The following KCTD1 variants were observed in gnomAD, a reference collection of about 807,000 sequenced individuals.
The protein encoded by KCTD1 is BTB/POZ domain-containing protein KCTD1.
KCTD1 carries 24 observed loss-of-function variants against 66.0 expected under a neutral mutation model. That is an observed-to-expected ratio of 0.36 (90% CI 0.26 to 0.51). The LOEUF is 0.51. KCTD1 is among the 20% of genes least tolerant of loss of function. KCTD1 has a pLI of 0.95. For missense variants in KCTD1, 943 were observed against 1,205.2 expected (o/e 0.78, Z 3.22); for synonymous variants, 511 against 517.2 (o/e 0.99, Z 0.16).
rs1479003649 is a variant in KCTD1, at chr18:26,502,072, T to C, written c.1810-822A>G. On this transcript the variant is annotated intron_variant, in intron 1 of 4. Transcript: ENST00000580059. ...GTACCTTTTTTTTCTTTTTTTGAGA[T>C]GGAGTCTCGCTCTGTCGCCCAGGCT... is the stretch of plus-strand genomic sequence containing the variant. Among the ~76,000 whole-genome samples the C allele has an allele frequency of 2.6e-5, 4 of 152,166 alleles. No homozygotes were observed. In the East Asian group the frequency reaches 7.7e-4, roughly 29 times the overall value.
rs147400929 is a variant in KCTD1, at chr18:26,491,221, A to C, written c.1988+9851T>G. On this transcript the variant is annotated intron_variant, in intron 2 of 4. Coordinates refer to ENST00000580059, the MANE Select transcript of KCTD1 (RefSeq NM_001142730.3). Reference sequence around the variant, plus strand: ...TTTGGGGTCTACTGTTCCAGCAGCAACAAGAAAGGAGGGCACAGCAGGAGG... The same window carrying C: ...TTTGGGGTCTACTGTTCCAGCAGCACCAAGAAAGGAGGGCACAGCAGGAGG... 9.2e-4 allele frequency among the ~76,000 whole-genome samples: 140 copies of C among 152,218 alleles called. 5 individuals carry two copies. In the East Asian group the frequency reaches 0.012, roughly 13 times the overall value.
chr18:26,489,365 G>A (rs556605392), intron 2 of KCTD1, among the ~76,000 whole-genome samples: 73 of 152,314 alleles, frequency 4.8e-4, no homozygotes, highest in African/African-American at 1.7e-3. Context: ...TTTCAGTTAT[G>A]TGGCAGTGGA....
chr18:26,494,408 A>G (rs951889358), intron 2 of KCTD1, among the ~76,000 whole-genome samples: 3 of 152,096 alleles, frequency 2.0e-5, no homozygotes, highest in Non-Finnish European at 4.4e-5. Context: ...AAACAAACAC[A>G]ATAGAGGAAA....
intron 1 of KCTD1, among the ~76,000 whole-genome samples, chr18:26,554,641 A>G (rs957043058): frequency 6.6e-6 from 1 of 152,234 alleles, no homozygotes; most frequent in African/African-American, 2.4e-5. Context: ...ATGCTTTGTC[A>G]AAAAACAGGC....
upstream of KCTD1, among the ~76,000 whole-genome samples, chr18:26,641,213 G>T (rs149594883): frequency 6.6e-6 from 1 of 152,086 alleles, no homozygotes. Context: ...TCCCTGCCCC[G>T]CTGTCATTTA....
rs370626141 is a variant in KCTD1, at chr18:26,617,912, G to T, written c.-16+11235C>A. Among the ~76,000 whole-genome samples the T allele has an allele frequency of 7.0e-4, 105 of 149,180 alleles. 2 individuals carry two copies. In the East Asian group the frequency reaches 0.016, roughly 23 times the overall value. On this transcript the variant is annotated intron_variant, in intron 1 of 4. Transcript: ENST00000317932. The stretch of plus-strand genomic sequence containing the variant: ...GGGCAGGCAAGGTAAGGGAGGGAGA[G>T]GGAAACAAAAAGAAGGAAAAAAAAA...
chr18:26,648,697 T>A (rs75512749), intron 1 of KCTD1, among the ~76,000 whole-genome samples: 2,009 of 152,282 alleles, frequency 0.013, 42 homozygotes, highest in African/African-American at 0.045. Flanking sequence ...ATTATTAGTA[T>A]TAGTAATTAC....
chr18:26,615,504 T>G (rs1478703529), intron 1 of KCTD1, among the ~76,000 whole-genome samples: 3 of 152,188 alleles, frequency 2.0e-5, no homozygotes, highest in Non-Finnish European at 2.9e-5. Context: ...AGATCTCTTA[T>G]GAGAAGAGTG....
At chr18:26,595,835 T>A (rs537220133) in intron 1 of KCTD1, among the ~76,000 whole-genome samples, 41 of 151,956 alleles carry the variant, frequency 2.7e-4, no homozygotes, top group African/African-American at 8.0e-4. Context: ...AGACCATGAG[T>A]TCAAGACCAG....
At chr18:26,572,359 A>C (rs1373116931) in intron 1 of KCTD1, among the ~76,000 whole-genome samples, 1 of 152,156 alleles carries the variant, frequency 6.6e-6, no homozygotes, top group Non-Finnish European at 1.5e-5. Flanking sequence ...TGGTTTTAAA[A>C]ATTCTTGGCT....
At chr18:26,605,110 G>A (rs978153879) in intron 1 of KCTD1, among the ~76,000 whole-genome samples, 3 of 152,098 alleles carry the variant, frequency 2.0e-5, no homozygotes, top group Non-Finnish European at 2.9e-5. Context: ...TGCCTCAGCC[G>A]TCTTTTAGTA....
intron 4 of KCTD1, 30 bp downstream of exon 4, chr18:26,459,590 G>A: frequency 6.5e-7 from 1 of 1,533,688 alleles, no homozygotes; most frequent in Non-Finnish European, 8.8e-7. Context: ...AGTGGCATTT[G>A]ATGCCACACA....
At chr18:26,564,990 T>TA (rs1209050423) in intron 1 of KCTD1, among the ~76,000 whole-genome samples, 1 of 152,144 alleles carries the variant, frequency 6.6e-6, no homozygotes, top group Non-Finnish European at 1.5e-5. Context: ...AGGAAAGAGA[T>TA]ACTTGTGACT....
intron 1 of KCTD1, among the ~76,000 whole-genome samples, chr18:26,601,425 T>C (rs950168717): frequency 2.0e-5 from 3 of 151,732 alleles, no homozygotes; most frequent in African/African-American, 7.3e-5. Context: ...TCTATATGAC[T>C]ATCCTTATGT....
intron 3 of KCTD1, among the ~76,000 whole-genome samples, chr18:26,463,316 T>C (rs983718539): frequency 6.6e-6 from 1 of 151,604 alleles, no homozygotes; most frequent in African/African-American, 2.4e-5. Flanking sequence ...ATTAGCTGGA[T>C]GTGGTGGCCC....
At chr18:26,566,827 A>AT (rs1985991928) in intron 1 of KCTD1, 1 of 62,190 alleles carries the variant, frequency 1.6e-5, no homozygotes, top group Non-Finnish European at 3.6e-5. Flanking sequence ...TGGAGGCAAG[A>AT]TCTAAAAAAA....
At chr18:26,654,041 G>A (rs981448013) in intron 1 of KCTD1, among the ~76,000 whole-genome samples, 1 of 152,176 alleles carries the variant, frequency 6.6e-6, no homozygotes, top group Non-Finnish European at 1.5e-5. Context: ...CAAATGCAAT[G>A]CAAATGGGAA....
At chr18:26,465,740 G>A (rs865777765) in intron 3 of KCTD1, among the ~76,000 whole-genome samples, 3 of 152,178 alleles carry the variant, frequency 2.0e-5, no homozygotes, top group Admixed American at 2.0e-4. Context: ...TCACGAGGAC[G>A]CCACACCACA....
In KCTD1 at chr18:26,468,466, G is replaced by C. The variant is rs1980868340; in HGVS notation, c.2133+8049C>G. Among the ~76,000 whole-genome samples, 1 of 152,284 alleles carries C rather than the reference G, an allele frequency of 6.6e-6. No individual in the cohort carries two copies. Among genetic ancestry groups the C allele is most frequent in the Non-Finnish European group, 1.5e-5 (1 of 68,026 alleles). On this transcript the variant is annotated intron_variant, in intron 3 of 4. Coordinates refer to ENST00000580059, the MANE Select transcript of KCTD1 (RefSeq NM_001142730.3). This position sits in a 1 kb window ranked among gnomAD's most constrained non-coding sequence, Gnocchi z 4.8. ...TTGTTCACCCAGTATTAAATGGCTAGGGAAAGAAGCAGGTAATCAATAAAC... is the reference window on the plus strand; with the variant it reads ...TTGTTCACCCAGTATTAAATGGCTACGGAAAGAAGCAGGTAATCAATAAAC...
Sources: gnomAD v4.1 joint callset for allele counts (sites outside exome capture counted in the v4.1 genomes callset) on GRCh38, gnomAD v4.1.1 for gene constraint, Gnocchi (gnomAD v3.1) non-coding constraint, MANE v1.5 for transcripts, NCBI Gene and HGNC (gene_info 2026-07-23, HGNC 2026-07-21) for gene names.